The following DNAJC1 variants were observed in gnomAD, a reference collection of about 807,000 sequenced individuals.
DNAJC1 encodes DnaJ heat shock protein family (Hsp40) member C1, also known as dnaJ homolog subfamily C member 1.
DNAJC1 carries 58 observed loss-of-function variants against 76.6 expected under a neutral mutation model. That is an observed-to-expected ratio of 0.76 (90% CI 0.61 to 0.94). The LOEUF is 0.94. DNAJC1 is among the 40% of genes least tolerant of loss of function. DNAJC1 has a pLI of 0.00. For missense variants in DNAJC1, 689 were observed against 677.3 expected, an observed-to-expected ratio of 1.02 and a Z score of -0.19; for synonymous variants, 258 against 267.9, an observed-to-expected ratio of 0.96 and a Z score of 0.36.
chr10:21,861,489 T>A (rs935441083), intron 8 of DNAJC1, among the ~76,000 whole-genome samples: 1 of 152,094 alleles, frequency 6.6e-6, no homozygotes, highest in Non-Finnish European at 1.5e-5. Context: ...AGCAACTCCA[T>A]CTTGAGTAGG....
intron 1 of DNAJC1, among the ~76,000 whole-genome samples, chr10:21,965,036 T>C (rs923685923): frequency 6.6e-6 from 1 of 152,188 alleles, no homozygotes; most frequent in Non-Finnish European, 1.5e-5. Context: ...TTCTCAAAAA[T>C]ATCTCAGTCA....
chr10:21,959,474 G>T (rs1177448990), intron 1 of DNAJC1, among the ~76,000 whole-genome samples: 1 of 152,064 alleles, frequency 6.6e-6, no homozygotes, highest in Non-Finnish European at 1.5e-5. Flanking sequence ...TCTCCTGAAT[G>T]TGGAATACAT....
chr10:21,842,520 G>T (rs915484264), intron 8 of DNAJC1, among the ~76,000 whole-genome samples: 3 of 152,200 alleles, frequency 2.0e-5, no homozygotes, highest in Admixed American at 6.5e-5. Flanking sequence ...AAAGTTGGGA[G>T]AATTAAGTTC....
At chr10:21,946,475 T>A (rs1240113742) in intron 1 of DNAJC1, among the ~76,000 whole-genome samples, 1 of 152,060 alleles carries the variant, frequency 6.6e-6, no homozygotes, top group African/African-American at 2.4e-5. Context: ...AGATAATGTA[T>A]CTTTATAAAT....
chr10:21,850,897 A>T (rs1210703318), intron 8 of DNAJC1, among the ~76,000 whole-genome samples: 1 of 152,194 alleles, frequency 6.6e-6, no homozygotes, highest in Admixed American at 6.5e-5. Flanking sequence ...TTTTTGACAC[A>T]GGTGACAAGT....
At chr10:21,882,729 G>A (rs982102745) in intron 7 of DNAJC1, among the ~76,000 whole-genome samples, 1 of 152,040 alleles carries the variant, frequency 6.6e-6, no homozygotes, top group African/African-American at 2.4e-5. Context: ...ACAATAAAAA[G>A]AGCTTCAATT....
chr10:21,907,320 T>C (rs1238122112), intron 6 of DNAJC1, among the ~76,000 whole-genome samples: 2 of 152,120 alleles, frequency 1.3e-5, no homozygotes, highest in African/African-American at 4.8e-5. Context: ...GTTTTTTTTT[T>C]TTCATATCTT....
intron 8 of DNAJC1, among the ~76,000 whole-genome samples, chr10:21,808,041 G>A (rs896805580): frequency 2.6e-5 from 4 of 152,062 alleles, no homozygotes; most frequent in African/African-American, 7.2e-5. Flanking sequence ...TTAAGTTTTA[G>A]GCAGAATTTA....
chr10:21,840,376 C>T (rs1484988079), intron 8 of DNAJC1, among the ~76,000 whole-genome samples: 2 of 152,280 alleles, frequency 1.3e-5, no homozygotes, highest in African/African-American at 2.4e-5. Context: ...CCAAAATCTC[C>T]TCAAGCTGAT....
chr10:21,924,970 G>T (rs1397876439), intron 3 of DNAJC1, among the ~76,000 whole-genome samples: 11 of 152,052 alleles, frequency 7.2e-5, no homozygotes, highest in African/African-American at 2.7e-4. Flanking sequence ...AATCTTATGG[G>T]ACTAGCACTG....
intron 9 of DNAJC1, among the ~76,000 whole-genome samples, chr10:21,792,758 CAA>C (rs1287180845): frequency 0.059 from 3,897 of 65,682 alleles, 72 homozygotes; most frequent in Middle Eastern, 0.15. Flanking sequence ...GACAACACCT[CAA>C]AAAAAAAAAA....
In DNAJC1 at chr10:22,003,640, G is replaced by C. The variant is rs376870699; in HGVS notation, c.-206C>G. The stretch of plus-strand genomic sequence containing the variant: ...CGGACGGGCGGGTGGGTAGGCGGGC[G>C]GGGCCGCAGCCAGCGCTACGTTCCG... On this transcript the variant is annotated 5_prime_UTR_variant, in exon 1 of 12. Coordinates refer to ENST00000376980, the MANE Select transcript of DNAJC1 (RefSeq NM_022365.4). The C allele has an allele frequency of 2.1e-6, 1 of 478,986 alleles. No individual in the cohort carries two copies. The highest frequency in any genetic ancestry group is 3.3e-6 in the Non-Finnish European group (1 of 300,180). 29.7% of individuals were successfully genotyped at this position (478,986 alleles called of 1,614,324 possible). A position where few individuals can be genotyped will look rare whatever the true frequency, so the allele number is the denominator to read the frequency against.
At chr10:21,834,330 G>C (rs1017097517) in intron 8 of DNAJC1, among the ~76,000 whole-genome samples, 1 of 152,148 alleles carries the variant, frequency 6.6e-6, no homozygotes, top group African/African-American at 2.4e-5. Context: ...ACCTAATGTG[G>C]ACTAAGGAGA....
intron 6 of DNAJC1, among the ~76,000 whole-genome samples, chr10:21,905,020 CAATA>C (rs770741330): frequency 5.3e-5 from 8 of 152,166 alleles, no homozygotes; most frequent in Non-Finnish European, 1.2e-4. Context: ...CCTTTAACTA[CAATA>C]GATATTCAAA....
Position 21,814,298 on chromosome 10 carries a change from C to T in DNAJC1, c.979-8199G>A, listed in dbSNP as rs938090466. Among the ~76,000 whole-genome samples the T allele has an allele frequency of 5.9e-5, 9 of 152,326 alleles. No homozygotes were observed. The Middle Eastern group carries it at 0.01, about 173-fold the overall frequency. ...AAAGGCATCCTTATTGTTCCTAAAT[C>T]TCTTCCAGGTTAGGGGACTTCCTTG... On this transcript the variant is annotated intron_variant, in intron 8 of 11. Transcript: ENST00000376980.
chr10:21,799,823 C>T (rs2131638659), intron 9 of DNAJC1, among the ~76,000 whole-genome samples: 1 of 152,166 alleles, frequency 6.6e-6, no homozygotes, highest in South Asian at 2.1e-4. Context: ...GAGTTCTCAC[C>T]CCACGTATTT....
At chr10:21,948,771 A>G (rs1303465921) in intron 1 of DNAJC1, among the ~76,000 whole-genome samples, 2 of 152,208 alleles carry the variant, frequency 1.3e-5, no homozygotes, top group East Asian at 1.9e-4. Context: ...TCCCCTACAG[A>G]TAACGGGAGA....
chr10:21,829,951 A>G (rs1199423698), intron 8 of DNAJC1, among the ~76,000 whole-genome samples: 1 of 152,198 alleles, frequency 6.6e-6, no homozygotes, highest in Non-Finnish European at 1.5e-5. Flanking sequence ...AGCTACAGTA[A>G]TGAATATCCA....
At chr10:21,866,184 A>G (rs2131703684) in intron 8 of DNAJC1, among the ~76,000 whole-genome samples, 1 of 151,656 alleles carries the variant, frequency 6.6e-6, no homozygotes, top group Non-Finnish European at 1.5e-5. Flanking sequence ...CAAAAGCAAA[A>G]AAATAAAAAA....
Sources: gnomAD v4.1 joint callset for allele counts (sites outside exome capture counted in the v4.1 genomes callset) on GRCh38, gnomAD v4.1.1 for gene constraint, MANE v1.5 for transcripts, NCBI Gene and HGNC (gene_info 2026-07-23, HGNC 2026-07-21) for gene names.